PDE4D: variants seen among roughly 807,000 people sequenced by gnomAD.
PDE4D encodes phosphodiesterase 4D, also known as 3',5'-cyclic-AMP phosphodiesterase 4D.
A neutral mutation model predicts 87.4 loss-of-function variants in PDE4D; 24 were observed. The ratio of observed to expected loss-of-function variants is 0.27; its 90% confidence interval spans 0.20 to 0.39. PDE4D has a LOEUF of 0.39. Among genes scored for constraint, PDE4D ranks in the 10% least tolerant of loss-of-function variants. PDE4D has a pLI of 1.00. For missense variants in PDE4D, 714 were observed against 1,041.0 expected (o/e 0.69, Z 4.32); for synonymous variants, 384 against 383.2 (o/e 1.00, Z -0.02).
At chr5:59,768,136 G>T in intron 1 of PDE4D, 1 of 1,316,972 alleles carries the variant, frequency 7.6e-7, no homozygotes, top group Non-Finnish European at 1.0e-6. Flanking sequence ...ATAAATCCCC[G>T]GTGAGGAATG....
intron 6 of PDE4D, among the ~76,000 whole-genome samples, chr5:59,008,620 A>G (rs941034956): frequency 6.6e-5 from 10 of 152,120 alleles, no homozygotes; most frequent in Non-Finnish European, 1.3e-4. Flanking sequence ...TGTAAAATCT[A>G]AAACTAAAGA....
At chr5:59,829,877 T>C (rs1455470437) in intron 1 of PDE4D, among the ~76,000 whole-genome samples, 4 of 151,990 alleles carry the variant, frequency 2.6e-5, no homozygotes, top group African/African-American at 9.7e-5. Context: ...GTATGTGCAA[T>C]TGGAATTCAC....
At chr5:60,087,880 A>G (rs1774704379) in intron 2 of PDE4D, among the ~76,000 whole-genome samples, 1 of 152,142 alleles carries the variant, frequency 6.6e-6, no homozygotes, top group African/African-American at 2.4e-5. Flanking sequence ...GAAAACCAAC[A>G]CTATCCAAGT....
intron 1 of PDE4D, among the ~76,000 whole-genome samples, chr5:59,270,530 G>A (rs940478664): frequency 1.3e-5 from 2 of 152,102 alleles, no homozygotes; most frequent in African/African-American, 4.8e-5. Flanking sequence ...TTTATTGTCT[G>A]TTATAAAGAC....
At chr5:60,128,544 A>G (rs1292431868) in intron 2 of PDE4D, among the ~76,000 whole-genome samples, 1 of 152,230 alleles carries the variant, frequency 6.6e-6, no homozygotes, top group African/African-American at 2.4e-5. Flanking sequence ...AAATGAAGCC[A>G]CAGGTGCATA....
In PDE4D at chr5:59,793,813, C is replaced by T. The variant is rs140702689; in HGVS notation, c.455+99355G>A. Among the ~76,000 whole-genome samples, 336 of 152,090 alleles carry T rather than the reference C, an allele frequency of 2.2e-3. 1 individual carries two copies. The highest frequency in any genetic ancestry group is 7.9e-3 in the African/African-American group (327 of 41,498). ...GCTTTTTTAATGTAAGAATTTTTTC[C>T]CCTTAGGGGCTCATAGATTAAGCCG... On this transcript the variant is annotated intron_variant, in intron 1 of 14. Coordinates refer to ENST00000340635, the MANE Select transcript of PDE4D (RefSeq NM_001104631.2).
At chr5:59,853,917 C>T (rs1745040249) in intron 1 of PDE4D, among the ~76,000 whole-genome samples, 1 of 151,896 alleles carries the variant, frequency 6.6e-6, no homozygotes, top group Non-Finnish European at 1.5e-5. Context: ...ATCATATGGA[C>T]ATAATTTACA....
intron 1 of PDE4D, among the ~76,000 whole-genome samples, chr5:59,279,591 T>C (rs1485598418): frequency 2.0e-5 from 3 of 152,054 alleles, no homozygotes; most frequent in Non-Finnish European, 4.4e-5. Context: ...CAGGTTAGGA[T>C]AATAATAATA....
chr5:59,041,651 G>A (rs1007759971), intron 5 of PDE4D, among the ~76,000 whole-genome samples: 9 of 152,090 alleles, frequency 5.9e-5, no homozygotes, highest in Non-Finnish European at 5.9e-5. Context: ...TCTGAGGTTC[G>A]GCTTTCTGTG....
intron 3 of PDE4D, among the ~76,000 whole-genome samples, chr5:59,922,564 C>T (rs1754790795): frequency 6.6e-6 from 1 of 152,062 alleles, no homozygotes; most frequent in South Asian, 2.1e-4. Context: ...CCATTACAGG[C>T]CTTACCTCCT....
intron 1 of PDE4D, among the ~76,000 whole-genome samples, chr5:59,462,904 A>T (rs755192030): frequency 2.3e-4 from 29 of 126,792 alleles, no homozygotes; most frequent in African/African-American, 5.2e-4. Context: ...AGTTAATTGT[A>T]AAAAAAAAAA....
intron 1 of PDE4D, chr5:60,521,345 A>G (rs943070815): frequency 1.3e-5 from 2 of 152,140 alleles, no homozygotes; most frequent in African/African-American, 4.8e-5. Context: ...TTTAGTTAAC[A>G]TTTTCTATTT....
intron 1 of PDE4D, among the ~76,000 whole-genome samples, chr5:60,395,417 C>T (rs1392533967): frequency 2.6e-5 from 4 of 152,008 alleles, no homozygotes; most frequent in African/African-American, 4.8e-5. Flanking sequence ...TGATAAAAGG[C>T]CATCTGCAAC....
chr5:59,836,638 C>A (rs1368172016), intron 1 of PDE4D, among the ~76,000 whole-genome samples: 1 of 150,474 alleles, frequency 6.6e-6, no homozygotes, highest in African/African-American at 2.5e-5. Flanking sequence ...ATCTATCTAT[C>A]TATCTATCTA....
chr5:59,694,314 G>T (rs532730347), intron 1 of PDE4D, among the ~76,000 whole-genome samples: 1 of 152,134 alleles, frequency 6.6e-6, no homozygotes, highest in Non-Finnish European at 1.5e-5. Context: ...GGCCGTCTTC[G>T]CTGGGAAGAT....
intron 1 of PDE4D, among the ~76,000 whole-genome samples, chr5:60,267,854 G>C (rs1194810131): frequency 6.6e-6 from 1 of 152,156 alleles, no homozygotes; most frequent in East Asian, 1.9e-4. Flanking sequence ...AAAATCTGCT[G>C]TCTGTGGCAA....
At chr5:59,294,020 C>T (rs182793729) in intron 1 of PDE4D, among the ~76,000 whole-genome samples, 5 of 152,270 alleles carry the variant, frequency 3.3e-5, no homozygotes, top group Admixed American at 3.3e-4. Context: ...TTTGTCTTCT[C>T]AACCTGTTGC....
chr5:58,988,516 G>A lies in PDE4D; in HGVS notation c.1529C>T (p.Ser510Phe), dbSNP rs17853590. 1 of 1,478,912 alleles carries A rather than the reference G, an allele frequency of 6.8e-7. No homozygotes were observed. The highest frequency in any genetic ancestry group is 9.1e-7 in the Non-Finnish European group (1 of 1,099,128). 91.6% of individuals were successfully genotyped at this position (1,478,912 alleles called of 1,614,324 possible). A position where few individuals can be genotyped will look rare whatever the true frequency, so the allele number is the denominator to read the frequency against. ...ACTTGTATTGATCAGAAATTGATTG[G>A]ACACACCAGGATGATCTACATCATG... ...AIHDVDHPGV[S>F]NQFLINTNSE... Residue 510 changes from serine (S) to phenylalanine (F), a missense_variant, in exon 11 of 15, where the codon TCC (serine) becomes TTC (phenylalanine). Ser to Phe is a radical substitution (Grantham distance 155). Around this residue, in one of 7 missense-constraint regions of PDE4D, gnomAD observed 141 missense variants for 204.3 expected, o/e 0.69. Coordinates refer to ENST00000340635, the MANE Select transcript of PDE4D (RefSeq NM_001104631.2).
chr5:59,430,268 C>T, intron 1 of PDE4D: 5 of 1,230,860 alleles, frequency 4.1e-6, no homozygotes, highest in East Asian at 3.2e-5. Context: ...CACTGACAAA[C>T]AACTAGAGGA....
Sources: allele counts gnomAD v4.1 joint callset (sites outside exome capture counted in the v4.1 genomes callset), GRCh38; gene constraint gnomAD v4.1.1; regional missense constraint gnomAD v4.1.1; transcripts MANE v1.5; gene names NCBI Gene and HGNC (gene_info 2026-07-23, HGNC 2026-07-21).